The following NUP50 variants were observed in gnomAD, a reference collection of about 807,000 sequenced individuals.
The protein encoded by NUP50 is nuclear pore complex protein Nup50.
A neutral mutation model predicts 36.8 loss-of-function variants in NUP50; 14 were observed. The ratio of observed to expected loss-of-function variants is 0.38; its 90% confidence interval spans 0.25 to 0.59. The LOEUF is 0.59. Among genes scored for constraint, NUP50 ranks in the 20% least tolerant of loss-of-function variants. The pLI is 0.63. For synonymous variants in NUP50, 195 were observed against 210.8 expected (o/e 0.93, Z 0.65); for missense variants, 455 against 564.6 (o/e 0.81, Z 1.97).
chr22:45,177,255 A>C (rs1387275049), intron 4 of NUP50, among the ~76,000 whole-genome samples: 1 of 152,098 alleles, frequency 6.6e-6, no homozygotes, highest in Non-Finnish European at 1.5e-5. Context: ...GTCTTGGCTC[A>C]CTGCAGCCAC....
intron 2 of NUP50, chr22:45,171,310 C>T (rs2074190172): frequency 1.7e-6 from 1 of 580,748 alleles, no homozygotes; most frequent in Non-Finnish European, 2.5e-6. Flanking sequence ...AGTGATTCTC[C>T]TGCCTCAGCC....
intron 7 of NUP50, 177 bp from the exon 8 acceptor site, chr22:45,184,276 G>T: frequency 1.6e-6 from 1 of 625,816 alleles, no homozygotes. Flanking sequence ...GTGAGGGCAA[G>T]TGCTCCCCGA....
intron 7 of NUP50, 32 bp from the exon 8 acceptor site, chr22:45,184,421 A>G: frequency 6.3e-7 from 1 of 1,597,528 alleles, no homozygotes. Context: ...TAGCTTCTAT[A>G]ATTTTGATGG....
rs1249337242 is a variant in NUP50, at chr22:45,164,056, C to G, written c.-251C>G. ...TTCGGCGCGGTTCCCCCAGCTGTCT[C>G]TGGCTGAACCGGCGCTCTCGCCTCC... is the stretch of plus-strand genomic sequence containing the variant. On this transcript the variant is annotated 5_prime_UTR_variant, in exon 1 of 8. Coordinates refer to ENST00000347635, the MANE Select transcript of NUP50 (RefSeq NM_007172.4). 6.6e-6 allele frequency: 1 copy of G among 152,318 alleles called. No individual in the cohort carries two copies. Among genetic ancestry groups the G allele is most frequent in the South Asian group, 2.1e-4 (1 of 4,830 alleles). The allele number at this position is 152,318 out of a possible 1,614,324, so 9.4% of individuals were successfully genotyped here.
rs1380591391 is a variant in NUP50 at position 45,185,010 on chromosome 22, GCCA to G, written c.*360_*362del. 3.3e-6 allele frequency: 1 copy of G among 305,246 alleles called. No individual in the cohort carries two copies. Among genetic ancestry groups the G allele is most frequent in the Non-Finnish European group, 6.3e-6 (1 of 159,634 alleles). The allele number at this position is 305,246 out of a possible 1,614,324, so 18.9% of individuals were successfully genotyped here. A position where few individuals can be genotyped will look rare whatever the true frequency, so the allele number is the denominator to read the frequency against. ...CAACCCGTGGGTTTTGGGGTCCACC[GCCA>G]CCACGAGAGAGGCTTTTGAACAGGT... On this transcript the variant is annotated 3_prime_UTR_variant, in exon 8 of 8. Transcript: ENST00000347635.
intron 5 of NUP50, chr22:45,179,187 GTGAA>G (rs2074327113): frequency 3.4e-6 from 1 of 296,280 alleles, no homozygotes; most frequent in Non-Finnish European, 6.2e-6. Context: ...TAAAAAACAA[GTGAA>G]TTAAAGACGT....
At position 45,180,982 on chromosome 22, in the gene NUP50, A is replaced by ATT. The variant is rs34406699; in HGVS notation, c.1004-295_1004-294dup. Among the ~76,000 whole-genome samples, 344 of 150,666 alleles carry ATT rather than the reference A, an allele frequency of 2.3e-3. 1 individual carries two copies. Among genetic ancestry groups the ATT allele is most frequent in the East Asian group, 5.4e-3 (28 of 5,144 alleles). ...TGGGTAATTTGCATATAGAGTGTTGATTTTTTTTTTCTGTCATAAGCATGG... is the reference window on the plus strand; with the variant it reads ...TGGGTAATTTGCATATAGAGTGTTGATTTTTTTTTTTTCTGTCATAAGCATGG... On this transcript the variant is annotated intron_variant, in intron 5 of 7. Transcript: ENST00000347635.
chr22:45,174,314 A>T (rs974367628), intron 3 of NUP50, among the ~76,000 whole-genome samples: 1 of 151,706 alleles, frequency 6.6e-6, no homozygotes, highest in African/African-American at 2.4e-5. Context: ...AGTAGCTGGG[A>T]CTACAGGCAT....
intron 3 of NUP50, among the ~76,000 whole-genome samples, chr22:45,174,183 CT>C (rs132886): frequency 0.64 from 87,847 of 137,852 alleles, 27,724 homozygotes; most frequent in East Asian, 0.84. Context: ...GGTATTTTCC[CT>C]TTTTTTTTTT....
At chr22:45,181,497 G>A in intron 6 of NUP50, 130 bp downstream of exon 6, 3 of 157,572 alleles carry the variant, frequency 1.9e-5, no homozygotes, top group Non-Finnish European at 4.0e-5. Context: ...GCTCTCAAGT[G>A]GAACAGGAAA....
At chr22:45,183,149 A>ACT (rs2074409241) in intron 6 of NUP50, among the ~76,000 whole-genome samples, 1 of 151,630 alleles carries the variant, frequency 6.6e-6, no homozygotes, top group Non-Finnish European at 1.5e-5. Context: ...AGTTTCAGAA[A>ACT]GTGTTATAAA....
intron 3 of NUP50, 56 bp from the exon 4 acceptor site, chr22:45,175,838 C>G: frequency 6.3e-7 from 1 of 1,577,454 alleles, no homozygotes; most frequent in Admixed American, 1.7e-5. Context: ...CACTCACTTG[C>G]TTTTTGGTAA....
At chr22:45,169,022 C>G (rs1453211573) in intron 2 of NUP50, among the ~76,000 whole-genome samples, 1 of 151,482 alleles carries the variant, frequency 6.6e-6, no homozygotes, top group Non-Finnish European at 1.5e-5. Context: ...CTGCCTCAGC[C>G]TCCCGAGTAG....
intron 2 of NUP50, chr22:45,170,936 C>T (rs2074182231): frequency 9.4e-6 from 12 of 1,279,852 alleles, no homozygotes; most frequent in Non-Finnish European, 1.2e-5. Context: ...TGATCTGAAA[C>T]AACTATAGGT....
chr22:45,178,904 A>AGTACC lies in NUP50; in HGVS notation c.1003+5_1003+9dup. On this transcript the variant is annotated splice_donor_region_variant and intron_variant, in intron 5 of 7. Transcript: ENST00000347635. ...GGTGACAGTGGTGAATGCAAAGGTA[A>AGTACC]GTACCAGCTTTGTCGTTGAGTCGAG... 1 of 1,597,530 alleles carries AGTACC rather than the reference A, an allele frequency of 6.3e-7. No homozygotes were observed. The highest frequency in any genetic ancestry group is 1.1e-5 in the South Asian group (1 of 88,506).
At chr22:45,167,703 G>C (rs529550701) in intron 1 of NUP50, among the ~76,000 whole-genome samples, 1 of 152,066 alleles carries the variant, frequency 6.6e-6, no homozygotes, top group Non-Finnish European at 1.5e-5. Context: ...CCCGTTATTC[G>C]TATTCTTACT....
At position 45,186,163 on chromosome 22, in the gene NUP50, A is replaced by AT. The variant is rs1235339071; in HGVS notation, c.*1510dup. On this transcript the variant is annotated 3_prime_UTR_variant, in exon 8 of 8. Coordinates refer to ENST00000347635, the MANE Select transcript of NUP50 (RefSeq NM_007172.4). ...TTCTTGCTCTACTTCCAGTGTTTTG[A>AT]TTCCACTGGGAGAATTTGGCCTAGT... is the stretch of plus-strand genomic sequence containing the variant. The AT allele has an allele frequency of 3.9e-5, 6 of 152,210 alleles. No individual in the cohort carries two copies. Among genetic ancestry groups the AT allele is most frequent in the African/African-American group, 1.4e-4 (6 of 41,452 alleles). The allele number at this position is 152,210 out of a possible 1,614,324, so 9.4% of individuals were successfully genotyped here.
chr22:45,178,306 A>C lies in NUP50; in HGVS notation c.409A>C (p.Ser137Arg). Residue 137 changes from serine (S) to arginine (R), a missense_variant, in exon 5 of 8, where the codon AGT becomes CGT. Ser to Arg is a moderately radical substitution (Grantham distance 110). Transcript: ENST00000347635. ...TTCAAATCCCAAAACTAATGGGGACAGTCAGCAGCCCTCCTCCTCTGGCCT... is the reference window on the plus strand; with the variant it reads ...TTCAAATCCCAAAACTAATGGGGACCGTCAGCAGCCCTCCTCCTCTGGCCT... Reference protein sequence around the residue: ...KVSNPKTNGDSQQPSSSGLAS... With the variant: ...KVSNPKTNGDRQQPSSSGLAS... The C allele has an allele frequency of 1.9e-6, 3 of 1,614,050 alleles. No homozygotes were observed. Among genetic ancestry groups the C allele is most frequent in the Non-Finnish European group, 2.5e-6 (3 of 1,179,880 alleles).
intron 6 of NUP50, 65 bp from the exon 7 acceptor site, chr22:45,183,337 T>G: frequency 1.1e-6 from 1 of 920,418 alleles, no homozygotes; most frequent in East Asian, 2.4e-5. Flanking sequence ...AGAGTGGTTG[T>G]TAGAAAACTG....
Sources: gnomAD v4.1 joint callset for allele counts (sites outside exome capture counted in the v4.1 genomes callset) on GRCh38, gnomAD v4.1.1 for gene constraint, MANE v1.5 for transcripts, NCBI Gene and HGNC (gene_info 2026-07-23, HGNC 2026-07-21) for gene names.